METAP1: variants seen among roughly 807,000 people sequenced by gnomAD.
METAP1 encodes methionine aminopeptidase 1.
METAP1 carries 28 observed loss-of-function variants against 53.8 expected under a neutral mutation model. That is an observed-to-expected ratio of 0.52 (90% CI 0.39 to 0.71). METAP1 has a LOEUF of 0.71. Ranked by LOEUF, METAP1 falls within the 30% of genes least tolerant of loss-of-function variation. The probability of loss-of-function intolerance (pLI) is 0.00; values close to 1 mark genes in which losing one functional copy is unlikely to be tolerated. For synonymous variants in METAP1, 181 were observed against 165.7 expected (o/e 1.09, Z -0.71); for missense variants, 389 against 479.8 (o/e 0.81, Z 1.77).
chr4:99,040,846 CTTG>C lies in METAP1; in HGVS notation c.433-194_433-192del, dbSNP rs142848756. Among the ~76,000 whole-genome samples the C allele has an allele frequency of 3.2e-3, 490 of 151,398 alleles. 6 individuals are homozygous for C. The highest frequency in any genetic ancestry group is 0.011 in the African/African-American group (453 of 41,380). The stretch of plus-strand genomic sequence containing the variant: ...AATCAGCCAACCTTACTGCTGCTTG[CTTG>C]TTAACCCAATTTTTATATAAAATTA... On this transcript the variant is annotated intron_variant, in intron 5 of 10. Coordinates refer to ENST00000296411, the MANE Select transcript of METAP1 (RefSeq NM_015143.3).
chr4:99,012,011 GTCTTATC>G (rs1282633852), intron 1 of METAP1, among the ~76,000 whole-genome samples: 7 of 152,066 alleles, frequency 4.6e-5, no homozygotes, highest in African/African-American at 2.4e-5. Flanking sequence ...TAGTTATTGA[GTCTTATC>G]TCTTTTCTTC....
At chr4:99,020,112 GC>G (rs1212938729) in intron 1 of METAP1, among the ~76,000 whole-genome samples, 2 of 152,016 alleles carry the variant, frequency 1.3e-5, no homozygotes, top group African/African-American at 2.4e-5. Flanking sequence ...ACGTTCCCAG[GC>G]CCCCATAGCA....
Position 99,028,801 on chromosome 4 carries a change from A to C in METAP1, c.115-66A>C. ...TTTACAATAACTCTTGCTTATATAC[A>C]ATATTCCTTAAAATGTTTCTTATTA... On this transcript the variant is annotated intron_variant, in intron 1 of 10. Transcript: ENST00000296411. 3.4e-6 allele frequency: 4 copies of C among 1,190,524 alleles called. No individual in the cohort carries two copies. In the South Asian group the frequency reaches 5.8e-5, roughly 17 times the overall value. The allele number at this position is 1,190,524 out of a possible 1,614,324, so 73.7% of individuals were successfully genotyped here.
At chr4:99,009,260 A>G (rs1560695115) in intron 1 of METAP1, among the ~76,000 whole-genome samples, 1 of 152,140 alleles carries the variant, frequency 6.6e-6, no homozygotes. Context: ...GTGTTTATCC[A>G]TTCTTCTCTT....
chr4:99,023,212 T>C (rs1253679248), intron 1 of METAP1: 4 of 490,532 alleles, frequency 8.2e-6, no homozygotes, highest in Non-Finnish European at 1.4e-5. Context: ...AAATCACAAT[T>C]TAACCTATTT....
chr4:99,022,397 A>G (rs968522872), intron 1 of METAP1: 8 of 771,954 alleles, frequency 1.0e-5, no homozygotes, highest in African/African-American at 1.8e-5. Flanking sequence ...GCTTTGTTGG[A>G]GTGGGCCTTG....
intron 9 of METAP1, among the ~76,000 whole-genome samples, chr4:99,053,045 A>T (rs1726828610): frequency 6.6e-6 from 1 of 152,152 alleles, no homozygotes; most frequent in African/African-American, 2.4e-5. Context: ...ATCCACTCAC[A>T]TCCTCAGGCT....
chr4:99,031,858 G>A (rs1291079832), intron 2 of METAP1, among the ~76,000 whole-genome samples: 2 of 152,194 alleles, frequency 1.3e-5, no homozygotes, highest in East Asian at 3.8e-4. Context: ...CATGTATCAC[G>A]TACTTATGAC....
At chr4:99,003,263 CTG>C (rs1393052433) in intron 1 of METAP1, among the ~76,000 whole-genome samples, 6 of 152,064 alleles carry the variant, frequency 3.9e-5, no homozygotes, top group Admixed American at 2.0e-4. Context: ...AGAGACTTCT[CTG>C]TGTTTTGAAT....
intron 1 of METAP1, among the ~76,000 whole-genome samples, chr4:99,003,535 T>C (rs756067501): frequency 6.6e-6 from 1 of 152,200 alleles, no homozygotes; most frequent in Non-Finnish European, 1.5e-5. Context: ...AACTTCTCAC[T>C]CCACTAAACA....
At chr4:99,056,224 C>T (rs1316159772) in intron 9 of METAP1, among the ~76,000 whole-genome samples, 3 of 152,112 alleles carry the variant, frequency 2.0e-5, no homozygotes, top group African/African-American at 4.8e-5. Context: ...GATGTATTAG[C>T]CATCTGGTGG....
intron 1 of METAP1, among the ~76,000 whole-genome samples, chr4:99,015,556 A>C (rs1723710416): frequency 6.6e-6 from 1 of 152,208 alleles, no homozygotes; most frequent in Non-Finnish European, 1.5e-5. Context: ...CCTCCTGTAG[A>C]GGTCCAGCCT....
chr4:99,029,420 G>A (rs934268555), intron 2 of METAP1, among the ~76,000 whole-genome samples: 1 of 152,166 alleles, frequency 6.6e-6, no homozygotes, highest in African/African-American at 2.4e-5. Context: ...ACACTACAAA[G>A]TAAAACTATT....
chr4:99,015,658 C>T (rs1159399832), intron 1 of METAP1, among the ~76,000 whole-genome samples: 3 of 152,092 alleles, frequency 2.0e-5, no homozygotes, highest in Non-Finnish European at 4.4e-5. Flanking sequence ...TTTAATTGAT[C>T]GCATCTATGG....
At chr4:99,005,974 A>G (rs140233387) in intron 1 of METAP1, 3 of 173,056 alleles carry the variant, frequency 1.7e-5, no homozygotes, top group South Asian at 2.3e-4. Context: ...AGTACAATGT[A>G]CATACTAGGA....
intron 1 of METAP1, chr4:99,023,718 T>C: frequency 1.0e-6 from 1 of 985,418 alleles, no homozygotes; most frequent in Non-Finnish European, 1.2e-6. Context: ...GAAGCCGTTG[T>C]AGTTTGGCAA....
intron 1 of METAP1, among the ~76,000 whole-genome samples, chr4:99,020,481 G>A (rs77902414): frequency 0.014 from 2,069 of 152,166 alleles, 39 homozygotes; most frequent in African/African-American, 0.047. Flanking sequence ...TTCTGCCTCC[G>A]GAGCCTGAGG....
intron 1 of METAP1, among the ~76,000 whole-genome samples, chr4:99,027,890 C>T (rs933130077): frequency 9.9e-5 from 15 of 152,014 alleles, no homozygotes; most frequent in African/African-American, 3.6e-4. Context: ...TTTCAGAGTC[C>T]CTTGGGCAAA....
At chr4:99,023,435 A>G (rs539520433) in intron 1 of METAP1, 5 of 924,970 alleles carry the variant, frequency 5.4e-6, no homozygotes, top group African/African-American at 1.8e-5. Flanking sequence ...ATATCTTGAT[A>G]CATACAAATC....
Sources: gnomAD v4.1 joint callset for allele counts (sites outside exome capture counted in the v4.1 genomes callset) on GRCh38, gnomAD v4.1.1 for gene constraint, MANE v1.5 for transcripts, NCBI Gene and HGNC (gene_info 2026-07-23, HGNC 2026-07-21) for gene names.